Variants in PDE1C observed in about 807,000 individuals in gnomAD.
PDE1C encodes dual specificity calcium/calmodulin-dependent 3',5'-cyclic nucleotide phosphodiesterase 1C.
In PDE1C, 62 loss-of-function variants were observed where a neutral mutation model predicts 93.1. That is an observed-to-expected ratio of 0.67 (90% CI 0.54 to 0.82). PDE1C has a LOEUF of 0.82. Among genes scored for constraint, PDE1C ranks in the 40% least tolerant of loss-of-function variants. The pLI is 0.00. For missense variants in PDE1C, 742 were observed against 884.6 expected, an observed-to-expected ratio of 0.84 and a Z score of 2.04; for synonymous variants, 325 against 310.1, an observed-to-expected ratio of 1.05 and a Z score of -0.50.
chr7:32,290,903 A>T (rs1562654698), intron 1 of PDE1C, among the ~76,000 whole-genome samples: 1 of 152,252 alleles, frequency 6.6e-6, no homozygotes, highest in African/African-American at 2.4e-5. Flanking sequence ...ACAGTTTTTC[A>T]AACAACAGTA....
the PDE1C span, among the ~76,000 whole-genome samples, chr7:31,727,870 C>T: frequency 6.6e-6 from 1 of 152,084 alleles, no homozygotes; most frequent in Middle Eastern, 3.4e-3. Context: ...AGTGAAACCT[C>T]GTCTTTACTA....
the PDE1C span, among the ~76,000 whole-genome samples, chr7:31,705,329 C>G: frequency 6.8e-4 from 103 of 152,092 alleles, no homozygotes; most frequent in Non-Finnish European, 9.4e-4. Context: ...TCAATTTTGG[C>G]TTAATGTGAA....
rs986906271 is a variant in PDE1C at position 32,401,229 on chromosome 7, T to C, written c.310+26593A>G. Among the ~76,000 whole-genome samples, 11 of 152,322 alleles carry C rather than the reference T, an allele frequency of 7.2e-5. No homozygotes were observed. In the South Asian group the frequency reaches 2.1e-3, roughly 29 times the overall value. On this transcript the variant is annotated intron_variant, in intron 1 of 1. Coordinates refer to the PDE1C transcript ENST00000672256. ...CTATTTTCCTAGTATAGTATGACTTTTATAAAGTTTATAAAAATAGAAATG... is the reference window on the plus strand; with the variant it reads ...CTATTTTCCTAGTATAGTATGACTTCTATAAAGTTTATAAAAATAGAAATG...
intron 1 of PDE1C, among the ~76,000 whole-genome samples, chr7:32,237,764 T>TATATATATATATA (rs1562607071): frequency 8.7e-5 from 7 of 80,028 alleles, no homozygotes; most frequent in African/African-American, 2.7e-4. Flanking sequence ...ATATATATAC[T>TATATATATATATA]TTTTTTTTTT....
intron 2 of PDE1C, among the ~76,000 whole-genome samples, chr7:32,018,313 G>T (rs80057254): frequency 0.043 from 6,587 of 151,988 alleles, 172 homozygotes; most frequent in Middle Eastern, 0.1. Flanking sequence ...CACACTTAAG[G>T]ATATACTCAA....
At chr7:32,053,657 G>A (rs1793677223) in intron 1 of PDE1C, among the ~76,000 whole-genome samples, 1 of 152,158 alleles carries the variant, frequency 6.6e-6, no homozygotes. Flanking sequence ...GACAGCCCTT[G>A]CTATTGGTTT....
chr7:32,296,527 T>C (rs1812613767), intron 1 of PDE1C, among the ~76,000 whole-genome samples: 1 of 152,206 alleles, frequency 6.6e-6, no homozygotes, highest in South Asian at 2.1e-4. Context: ...TTCTCAGCAA[T>C]CTGAAATAAG....
At chr7:32,116,234 C>T (rs1798978301) in intron 3 of PDE1C, among the ~76,000 whole-genome samples, 1 of 152,194 alleles carries the variant, frequency 6.6e-6, no homozygotes, top group Admixed American at 6.5e-5. Context: ...TTTATTTCTG[C>T]ACCTACAACT....
At chr7:31,650,396 C>T in the PDE1C span, among the ~76,000 whole-genome samples, 1 of 151,960 alleles carries the variant, frequency 6.6e-6, no homozygotes, top group Admixed American at 6.6e-5. Context: ...GTGGAGAGTT[C>T]CAAAGTTCTC....
intron 7 of PDE1C, among the ~76,000 whole-genome samples, chr7:31,861,156 C>A (rs1367739335): frequency 6.6e-6 from 1 of 152,172 alleles, no homozygotes; most frequent in Non-Finnish European, 1.5e-5. Context: ...CGGCATGTCC[C>A]ATGCAATGCA....
intron 2 of PDE1C, among the ~76,000 whole-genome samples, chr7:31,956,677 A>C (rs1299455186): frequency 6.6e-6 from 1 of 151,916 alleles, no homozygotes; most frequent in Non-Finnish European, 1.5e-5. Context: ...CAAAAAAAAA[A>C]CCAGAATGAG....
At chr7:31,987,901 C>G (rs1783626427) in intron 2 of PDE1C, among the ~76,000 whole-genome samples, 1 of 152,308 alleles carries the variant, frequency 6.6e-6, no homozygotes, top group East Asian at 1.9e-4. Context: ...TACCCTGGAT[C>G]TGTTCTCCAC....
intron 2 of PDE1C, among the ~76,000 whole-genome samples, chr7:31,904,998 A>C (rs73306598): frequency 0.034 from 5,180 of 152,218 alleles, 287 homozygotes; most frequent in African/African-American, 0.12. Context: ...GCTGGATACT[A>C]TATTAGATAC....
intron 2 of PDE1C, among the ~76,000 whole-genome samples, chr7:31,935,062 T>A (rs200470726): frequency 1.8e-5 from 1 of 54,282 alleles, no homozygotes; most frequent in Non-Finnish European, 6.9e-5. Context: ...GTTTTTATCT[T>A]ATAACCTTCC....
chr7:31,857,165 C>A (rs1468723645), intron 7 of PDE1C, among the ~76,000 whole-genome samples: 1 of 152,116 alleles, frequency 6.6e-6, no homozygotes, highest in Admixed American at 6.6e-5. Flanking sequence ...ATGAGAAATA[C>A]AATTTAGCCC....
At chr7:31,716,116 T>G in the PDE1C span, among the ~76,000 whole-genome samples, 1 of 152,248 alleles carries the variant, frequency 6.6e-6, no homozygotes, top group Non-Finnish European at 1.5e-5. Flanking sequence ...CCAGGGCTGA[T>G]TAAGGTGAGG....
chr7:32,386,431 T>C (rs367543589), intron 1 of PDE1C, among the ~76,000 whole-genome samples: 2,094 of 69,156 alleles, frequency 0.03, 39 homozygotes, highest in South Asian at 0.045. Flanking sequence ...GTTACTTACA[T>C]TTCTACAATA....
chr7:31,882,011 A>G (rs1797312554), intron 2 of PDE1C, among the ~76,000 whole-genome samples: 1 of 152,202 alleles, frequency 6.6e-6, no homozygotes, highest in African/African-American at 2.4e-5. Flanking sequence ...ATCCTCAAAT[A>G]GGTTGCCTTC....
intron 1 of PDE1C, among the ~76,000 whole-genome samples, chr7:32,297,832 G>A (rs1377659948): frequency 6.6e-6 from 1 of 151,936 alleles, no homozygotes; most frequent in African/African-American, 2.4e-5. Flanking sequence ...CCCTCCCTGC[G>A]GCCTCTCTCT....
Sources: gnomAD v4.1 joint callset for allele counts (sites outside exome capture counted in the v4.1 genomes callset) on GRCh38, gnomAD v4.1.1 for gene constraint, MANE v1.5 for transcripts, NCBI Gene and HGNC (gene_info 2026-07-23, HGNC 2026-07-21) for gene names.